TBC1D5: variants seen among roughly 807,000 people sequenced by gnomAD.
TBC1D5 encodes TBC1 domain family member 5.
TBC1D5 carries 75 observed loss-of-function variants against 100.3 expected under a neutral mutation model. The ratio of observed to expected loss-of-function variants is 0.75; its 90% CI spans 0.62 to 0.91. TBC1D5 has a LOEUF of 0.91. Among genes scored for constraint, TBC1D5 ranks in the 40% least tolerant of loss-of-function variants. TBC1D5 has a pLI of 0.00. For synonymous variants in TBC1D5, 323 were observed against 325.6 expected (o/e 0.99, Z 0.09); for missense variants, 910 against 942.4 (o/e 0.97, Z 0.45).
chr3:17,254,650 A>G lies in TBC1D5; in HGVS notation c.1331+3856T>C, dbSNP rs571815387. 4.6e-4 allele frequency among the ~76,000 whole-genome samples: 70 copies of G among 150,870 alleles called. No homozygotes were observed. The Admixed American group carries it at 4.7e-3, about 10-fold the overall frequency. ...TGCCTGTTCTTTTTCTTAATGGCATATTCTGATGAACAAAAAAACCTTTAA... is the reference window on the plus strand; with the variant it reads ...TGCCTGTTCTTTTTCTTAATGGCATGTTCTGATGAACAAAAAAACCTTTAA... On this transcript the variant is annotated intron_variant, in intron 16 of 21. Transcript: ENST00000253692.
At chr3:17,215,756 G>A (rs1410679511) in intron 17 of TBC1D5, among the ~76,000 whole-genome samples, 3 of 152,120 alleles carry the variant, frequency 2.0e-5, no homozygotes, top group Non-Finnish European at 4.4e-5. Context: ...AAGCAGCAAA[G>A]CTGACTGAGA....
intron 14 of TBC1D5, among the ~76,000 whole-genome samples, chr3:17,298,495 C>T (rs538618206): frequency 1.4e-4 from 21 of 152,126 alleles, no homozygotes; most frequent in South Asian, 2.1e-4. Context: ...AGTGAGGTGT[C>T]GGCCAACAAT....
At chr3:17,356,977 T>C (rs1289051427) in intron 13 of TBC1D5, among the ~76,000 whole-genome samples, 1 of 138,800 alleles carries the variant, frequency 7.2e-6, no homozygotes, top group East Asian at 1.9e-4. Context: ...TGTGGGGAGA[T>C]AATCACTGTT....
chr3:17,310,711 A>G (rs1301835801), intron 13 of TBC1D5, among the ~76,000 whole-genome samples: 1 of 152,038 alleles, frequency 6.6e-6, no homozygotes, highest in Non-Finnish European at 1.5e-5. Context: ...CCAAAACCAC[A>G]TAAGAAAAAA....
chr3:17,471,017 A>G (rs1351345315), intron 3 of TBC1D5, among the ~76,000 whole-genome samples: 1 of 152,236 alleles, frequency 6.6e-6, no homozygotes, highest in African/African-American at 2.4e-5. Flanking sequence ...ACGATACCAT[A>G]TCACTAAAAA....
intron 1 of TBC1D5, among the ~76,000 whole-genome samples, chr3:17,721,459 ATGTGTGTGTGTGTG>A (rs59017875): frequency 1.3e-5 from 2 of 148,944 alleles, no homozygotes; most frequent in African/African-American, 4.9e-5. Flanking sequence ...GTGTGAGAGC[ATGTGTGTGTGTGTG>A]TGTGTGTGTG....
intron 1 of TBC1D5, among the ~76,000 whole-genome samples, chr3:17,643,036 G>A (rs1347851010): frequency 1.3e-5 from 2 of 151,830 alleles, no homozygotes; most frequent in African/African-American, 2.4e-5. Context: ...CGTCAGTTAC[G>A]CCACTAATGA....
At chr3:17,384,316 G>A (rs1464573125) in intron 8 of TBC1D5, among the ~76,000 whole-genome samples, 2 of 151,978 alleles carry the variant, frequency 1.3e-5, no homozygotes, top group African/African-American at 2.4e-5. Context: ...GTCTGCAGAT[G>A]GGGAGTTGCT....
rs571803500 is a variant in TBC1D5 at position 17,233,838 on chromosome 3, TAATC to T, written c.1588+4321_1588+4324del. ...TTTTATACTGAATGTTCTAATACTT[TAATC>T]AAATTACTAAAAATATAGTACAAAA... On this transcript the variant is annotated intron_variant, in intron 17 of 21. Transcript: ENST00000253692. 2,802 of 700,306 alleles carry T rather than the reference TAATC, an allele frequency of 4.0e-3. 13 individuals are homozygous for T. Among genetic ancestry groups the T allele is most frequent in the Non-Finnish European group, 5.8e-3 (2,451 of 425,220 alleles). 43.4% of individuals were successfully genotyped at this position (700,306 alleles called of 1,614,324 possible).
intron 1 of TBC1D5, among the ~76,000 whole-genome samples, chr3:17,737,056 G>A (rs1180848624): frequency 6.6e-6 from 1 of 152,010 alleles, no homozygotes; most frequent in Non-Finnish European, 1.5e-5. Flanking sequence ...CCTGTTGTGG[G>A]AAACTCTAAA....
intron 1 of TBC1D5, among the ~76,000 whole-genome samples, chr3:17,679,562 A>G (rs966089235): frequency 6.6e-6 from 1 of 151,550 alleles, no homozygotes; most frequent in Non-Finnish European, 1.5e-5. Context: ...TGTATTTGCA[A>G]TTGTTTAGCT....
At chr3:17,225,439 C>CAAAAAAAAAAAAAA in intron 17 of TBC1D5, among the ~76,000 whole-genome samples, 1 of 88,348 alleles carries the variant, frequency 1.1e-5, no homozygotes, top group Non-Finnish European at 2.2e-5. Context: ...GACTCGGTCT[C>CAAAAAAAAAAAAAA]AAAAAAAAAA....
intron 1 of TBC1D5, among the ~76,000 whole-genome samples, chr3:17,638,071 T>C (rs549267957): frequency 6.6e-6 from 1 of 152,216 alleles, no homozygotes; most frequent in South Asian, 2.1e-4. Flanking sequence ...AATTGTGAAG[T>C]ACTTTTTACT....
chr3:17,625,320 G>A (rs770831486), intron 1 of TBC1D5, among the ~76,000 whole-genome samples: 1 of 151,952 alleles, frequency 6.6e-6, no homozygotes, highest in South Asian at 2.1e-4. Flanking sequence ...GTATGTAGGA[G>A]GCAAGTGTCC....
intron 1 of TBC1D5, among the ~76,000 whole-genome samples, chr3:17,694,432 G>A (rs1394767516): frequency 6.6e-6 from 1 of 152,210 alleles, no homozygotes; most frequent in Non-Finnish European, 1.5e-5. Flanking sequence ...ACCATGGCAT[G>A]AGAACTACGC....
chr3:17,418,213 T>C (rs1037591753), intron 4 of TBC1D5, among the ~76,000 whole-genome samples: 1 of 152,214 alleles, frequency 6.6e-6, no homozygotes, highest in Non-Finnish European at 1.5e-5. Context: ...AGGTACATAA[T>C]ACTCATTCTC....
At chr3:17,618,744 T>C (rs2062401114) in intron 2 of TBC1D5, among the ~76,000 whole-genome samples, 1 of 152,226 alleles carries the variant, frequency 6.6e-6, no homozygotes, top group African/African-American at 2.4e-5. Context: ...TGCTGGTTAC[T>C]AAGGCCATGG....
chr3:17,705,751 C>G (rs1577662676), intron 1 of TBC1D5, among the ~76,000 whole-genome samples: 1 of 140,150 alleles, frequency 7.1e-6, no homozygotes, highest in East Asian at 2.2e-4. Flanking sequence ...GGAGACGCTC[C>G]TCACTTTCCA....
At chr3:17,517,820 TTATC>T (rs1312802977) in intron 2 of TBC1D5, among the ~76,000 whole-genome samples, 2 of 152,166 alleles carry the variant, frequency 1.3e-5, no homozygotes, top group African/African-American at 4.8e-5. Context: ...TTTATTTCAG[TTATC>T]TATCTTCTCT....
Sources: allele counts gnomAD v4.1 joint callset (sites outside exome capture counted in the v4.1 genomes callset), GRCh38; gene constraint gnomAD v4.1.1; transcripts MANE v1.5; gene names NCBI Gene and HGNC (gene_info 2026-07-23, HGNC 2026-07-21).